ZSWIM4: variants seen among roughly 807,000 people sequenced by gnomAD.
The protein encoded by ZSWIM4 is zinc finger SWIM-type containing 4, also known as zinc finger SWIM domain-containing protein 4.
ZSWIM4 carries 62 observed loss-of-function variants against 102.5 expected under a neutral mutation model. That is an observed-to-expected ratio of 0.60 (90% CI 0.49 to 0.75). The LOEUF (loss-of-function observed/expected upper bound fraction) is 0.75, where lower values mean the gene tolerates loss of function less well. ZSWIM4 is among the 30% of genes least tolerant of loss of function. The probability of loss-of-function intolerance (pLI) is 0.00; values close to 1 mark genes in which losing one functional copy is unlikely to be tolerated. For synonymous variants in ZSWIM4, 652 were observed against 674.5 expected (o/e 0.97, Z 0.52); for missense variants, 1,280 against 1,529.6 (o/e 0.84, Z 2.72).
chr19:13,800,069 T>A, intron 2 of ZSWIM4, 148 bp downstream of exon 2: 2 of 643,734 alleles, frequency 3.1e-6, no homozygotes, highest in Non-Finnish European at 4.8e-6. Context: ...TACAAGATTT[T>A]TTTTTTTTTT....
chr19:13,825,018 T>C lies in ZSWIM4; in HGVS notation c.2216-532T>C, dbSNP rs547417205. On this transcript the variant is annotated intron_variant, in intron 11 of 13. Coordinates refer to ENST00000590508, the MANE Select transcript of ZSWIM4 (RefSeq NM_001367834.3). The surrounding 1 kb of genome is among the most constrained non-coding windows in gnomAD (Gnocchi z 4.6). Reference sequence around the variant, plus strand: ...GCCCTTGAGATGAGGGAGAGGTCCATAGGATCCCTAGGTGGCTTTTCTTTT... The same window carrying C: ...GCCCTTGAGATGAGGGAGAGGTCCACAGGATCCCTAGGTGGCTTTTCTTTT... 3.3e-5 allele frequency among the ~76,000 whole-genome samples: 5 copies of C among 150,544 alleles called. No individual in the cohort carries two copies. The East Asian group carries it at 9.7e-4, about 29-fold the overall frequency.
chr19:13,813,551 G>A (rs1222794653), intron 6 of ZSWIM4, among the ~76,000 whole-genome samples: 4 of 151,998 alleles, frequency 2.6e-5, no homozygotes, highest in South Asian at 2.1e-4. Flanking sequence ...GATGGATGGA[G>A]AGAGGGAGAG....
rs192296730 is a variant in ZSWIM4 at position 13,802,180 on chromosome 19, G to T, written c.355+2259G>T. On this transcript the variant is annotated intron_variant, in intron 2 of 13. Transcript: ENST00000590508. ...TTTAGTAGAGACGGCGTTTCACCGT[G>T]TTAGCCAGGATAGTCTCGATCTCCT... Among the ~76,000 whole-genome samples the T allele has an allele frequency of 7.2e-3, 1,079 of 149,898 alleles. 12 individuals carry two copies. The highest frequency in any genetic ancestry group is 0.026 in the African/African-American group (1,038 of 40,664).
At chr19:13,807,016 T>C (rs542858086) in intron 3 of ZSWIM4, among the ~76,000 whole-genome samples, 3 of 151,884 alleles carry the variant, frequency 2.0e-5, no homozygotes, top group African/African-American at 7.2e-5. Flanking sequence ...CATAGAGAGT[T>C]AGGATTAGTT....
chr19:13,830,164 G>A (rs754631579), intron 13 of ZSWIM4, 27 bp from the exon 14 acceptor site: 121 of 1,596,064 alleles, frequency 7.6e-5, no homozygotes, highest in Admixed American at 5.2e-4. Flanking sequence ...CGCTCCTGAC[G>A]GATTTCCCTC....
chr19:13,828,665 C>G lies in ZSWIM4; in HGVS notation c.2400C>G (p.Asn800Lys). 2.5e-6 allele frequency: 4 copies of G among 1,614,102 alleles called. No homozygotes were observed. Among genetic ancestry groups the G allele is most frequent in the Non-Finnish European group, 3.4e-6 (4 of 1,180,000 alleles). The change falls in exon 13 of 14, where the codon AAC (asparagine) becomes AAG (lysine). Residue 800 changes from asparagine (N) to lysine (K), a missense_variant. Transcript: ENST00000590508. ...LGLQVMRMTLNVMTWRRREMV... is the reference protein window; with the variant it reads ...LGLQVMRMTLKVMTWRRREMV... ...TGCAGGTGATGCGGATGACTCTGAA[C>G]GTAATGACCTGGCGGCGGAGGGAGA...
In ZSWIM4 at chr19:13,819,437, G is replaced by T. The variant is rs199623743; in HGVS notation, c.2005G>T (p.Ala669Ser). ...MHTCARYLFT[A>S]LLPHDPDLAY... ...CACCTGTGCCCGCTACCTGTTCACC[G>T]CACTGCTGCCTCATGACCCGGACCT... is the stretch of plus-strand genomic sequence containing the variant. The change falls in exon 10 of 14, where the codon GCA becomes TCA. Residue 669 changes from alanine (A) to serine (S), a missense_variant. Coordinates refer to ENST00000590508, the MANE Select transcript of ZSWIM4 (RefSeq NM_001367834.3). 6.2e-7 allele frequency: 1 copy of T among 1,610,076 alleles called. No individual in the cohort carries two copies. The highest frequency in any genetic ancestry group is 8.5e-7 in the Non-Finnish European group (1 of 1,178,350).
intron 3 of ZSWIM4, among the ~76,000 whole-genome samples, chr19:13,808,073 A>G (rs1974967260): frequency 6.6e-6 from 1 of 151,978 alleles, no homozygotes; most frequent in African/African-American, 2.4e-5. Flanking sequence ...GACACTACAC[A>G]CTTTCAAACA....
intron 2 of ZSWIM4, among the ~76,000 whole-genome samples, 177 bp downstream of exon 2, chr19:13,800,098 C>T (rs537841656): frequency 2.6e-5 from 3 of 114,434 alleles, no homozygotes; most frequent in South Asian, 2.7e-4. Context: ...GACGGAGTCT[C>T]GCTCTTTGGC....
At chr19:13,826,360 G>A (rs1245062779) in intron 12 of ZSWIM4, among the ~76,000 whole-genome samples, 1 of 152,096 alleles carries the variant, frequency 6.6e-6, no homozygotes, top group African/African-American at 2.4e-5. Flanking sequence ...TTCCTTGGGG[G>A]CAGGGCCTGA....
Position 13,817,664 on chromosome 19 carries a change from T to C in ZSWIM4, c.1670-58T>C, listed in dbSNP as rs761711001. 6 of 1,585,846 alleles carry C rather than the reference T, an allele frequency of 3.8e-6. No individual in the cohort carries two copies. The East Asian group carries it at 1.4e-4, about 36-fold the overall frequency. ...GGTCTCCATGCTTGAGGCCAAGGGCTACAGGGACCTTAGGGAAGGGGATCC... is the reference window on the plus strand; with the variant it reads ...GGTCTCCATGCTTGAGGCCAAGGGCCACAGGGACCTTAGGGAAGGGGATCC... On this transcript the variant is annotated intron_variant, in intron 8 of 13. Transcript: ENST00000590508.
chr19:13,804,903 G>T lies in ZSWIM4; in HGVS notation c.467G>T (p.Gly156Val), dbSNP rs1270474485. The T allele has an allele frequency of 6.2e-7, 1 of 1,613,576 alleles. No homozygotes were observed. The highest frequency in any genetic ancestry group is 8.5e-7 in the Non-Finnish European group (1 of 1,180,018). Residue 156 changes from glycine to valine, a missense_variant, in exon 3 of 14, where the codon GGC becomes GTC. Gly to Val is a moderately radical substitution (Grantham distance 109). Transcript: ENST00000590508. ...TGCAAGATCACGTCCGTGAGCTGCG[G>T]CTGTGACAACCGCGACCTCTTCTAC... ...DRCKITSVSC[G>V]CDNRDLFYCA...
Position 13,795,687 on chromosome 19 carries a change from C to G in ZSWIM4, c.39C>G (p.Pro13=), listed in dbSNP as rs1448527672. The G allele has an allele frequency of 9.2e-7, 1 of 1,091,748 alleles. No homozygotes were observed. Among genetic ancestry groups the G allele is most frequent in the Non-Finnish European group, 1.2e-6 (1 of 869,532 alleles). The allele number at this position is 1,091,748 out of a possible 1,614,324, so 67.6% of individuals were successfully genotyped here. A position where few individuals can be genotyped will look rare whatever the true frequency, so the allele number is the denominator to read the frequency against. Residue 13 remains proline, a synonymous_variant, in exon 1 of 14, where the codon CCC becomes CCG. Transcript: ENST00000590508. ...CGGCCAAGCGGAGCCGGGGCTGCCC[C>G]GCGGGACCCGAGGAGCGCGATGCCG... ...PPAAKRSRGC[P]AGPEERDAGA...
chr19:13,810,617 C>CTT (rs111618044), intron 5 of ZSWIM4, among the ~76,000 whole-genome samples: 34 of 142,260 alleles, frequency 2.4e-4, no homozygotes, highest in African/African-American at 8.6e-4. Context: ...TTTCTTTTTT[C>CTT]TTTTTTTTTT....
rs775107059 is a variant in ZSWIM4 at position 13,830,486 on chromosome 19, C to T, written c.2757C>T (p.His919=). ...ACGCGGCGGCCGGCGGCCTGGGCCA[C>T]GCCCACCTCTTCACTGTGGCCCGCT... ...VLDAAAGGLG[H]AHLFTVARYM... is the part of the protein sequence containing the mutation. Residue 919 remains histidine, a synonymous_variant, in exon 14 of 14, where the codon CAC becomes CAT. Transcript: ENST00000590508. 1.6e-5 allele frequency: 25 copies of T among 1,601,336 alleles called. No homozygotes were observed. Among genetic ancestry groups the T allele is most frequent in the Non-Finnish European group, 2.1e-5 (25 of 1,179,650 alleles).
Position 13,830,539 on chromosome 19 carries a change from G to C in ZSWIM4, c.2810G>C (p.Arg937Pro), listed in dbSNP as rs532104766. ...ATGGAGCACCGCGGGCTGCCGCTCCGGGCCTACAAGCTGGCGACGCTGGCC... is the reference window on the plus strand; with the variant it reads ...ATGGAGCACCGCGGGCTGCCGCTCCCGGCCTACAAGCTGGCGACGCTGGCC... ...RYMEHRGLPL[R>P]AYKLATLALA... is the part of the protein sequence containing the mutation. The change falls in exon 14 of 14, where the codon CGG becomes CCG. Residue 937 changes from arginine (R) to proline (P), a missense_variant. Physicochemically the swap from Arg to Pro is moderately radical, Grantham distance 103. Transcript: ENST00000590508. 3 of 1,599,496 alleles carry C rather than the reference G, an allele frequency of 1.9e-6. 1 individual carries two copies. The highest frequency in any genetic ancestry group is 2.2e-5 in the South Asian group (2 of 91,032).
intron 6 of ZSWIM4, among the ~76,000 whole-genome samples, chr19:13,813,630 G>A (rs1378689024): frequency 6.6e-6 from 1 of 151,940 alleles, no homozygotes; most frequent in African/African-American, 2.4e-5. Flanking sequence ...AAAATTTATA[G>A]CAAGTACAGG....
intron 2 of ZSWIM4, among the ~76,000 whole-genome samples, chr19:13,802,627 G>A (rs1380247727): frequency 1.3e-5 from 2 of 151,838 alleles, no homozygotes; most frequent in Non-Finnish European, 2.9e-5. Context: ...TGCCCAGGCT[G>A]GAGTGCAGTG....
rs1435360696 is a variant in ZSWIM4 at position 13,814,723 on chromosome 19, T to C, written c.1389T>C (p.Pro463=). The change falls in exon 7 of 14, where the codon CCT becomes CCC. Residue 463 remains proline, a synonymous_variant. Transcript: ENST00000590508. The stretch of plus-strand genomic sequence containing the variant: ...GCCGCCCACTGTGGCTGGGAGAACC[T>C]TTCCCCACTGCCTGTGCCCGTGTGG... ...PQGRPLWLGE[P]FPTACARVDT... 3 of 1,288,366 alleles carry C rather than the reference T, an allele frequency of 2.3e-6. No individual in the cohort carries two copies. The highest frequency in any genetic ancestry group is 2.5e-5 in the South Asian group (2 of 80,956). The allele number at this position is 1,288,366 out of a possible 1,614,324, so 79.8% of individuals were successfully genotyped here.
Sources: allele counts gnomAD v4.1 joint callset (sites outside exome capture counted in the v4.1 genomes callset), GRCh38; gene constraint gnomAD v4.1.1; non-coding constraint Gnocchi (gnomAD v3.1); transcripts MANE v1.5; gene names NCBI Gene and HGNC (gene_info 2026-07-23, HGNC 2026-07-21).